SRPK2: variants seen among roughly 807,000 people sequenced by gnomAD.
The protein encoded by SRPK2 is SRSF protein kinase 2.
Under a neutral mutation model 90.8 loss-of-function variants are expected in SRPK2, and 21 were observed. The ratio of observed to expected loss-of-function variants is 0.23; its 90% CI spans 0.16 to 0.33. The LOEUF (loss-of-function observed/expected upper bound fraction) is 0.33. Ranked by LOEUF, SRPK2 falls within the 10% of genes least tolerant of loss-of-function variation. The pLI, the probability that SRPK2 is intolerant of heterozygous loss-of-function variation, is 1.00. For missense variants in SRPK2, 620 were observed against 869.0 expected (o/e 0.71, Z 3.60); for synonymous variants, 288 against 311.1 (o/e 0.93, Z 0.78).
upstream of SRPK2, among the ~76,000 whole-genome samples, chr7:105,393,362 C>T (rs1822232558): frequency 6.6e-6 from 1 of 151,988 alleles, no homozygotes; most frequent in East Asian, 1.9e-4. Context: ...AAACTCCTGA[C>T]CTCAGGTGAT....
At chr7:105,157,586 T>C (rs1484258052) in intron 7 of SRPK2, among the ~76,000 whole-genome samples, 2 of 152,212 alleles carry the variant, frequency 1.3e-5, no homozygotes. Flanking sequence ...GATAATATTT[T>C]TCTTAAAGAA....
intron 3 of SRPK2, among the ~76,000 whole-genome samples, chr7:105,171,014 AG>A (rs1433491726): frequency 1.0e-4 from 10 of 98,676 alleles, no homozygotes; most frequent in Non-Finnish European, 1.7e-4. Context: ...AGAAAGAAAG[AG>A]AGGAAGGAAG....
At chr7:105,338,486 G>T (rs749365306) in intron 2 of SRPK2, among the ~76,000 whole-genome samples, 2 of 152,100 alleles carry the variant, frequency 1.3e-5, no homozygotes, top group African/African-American at 2.4e-5. Flanking sequence ...ACCTCAGGTG[G>T]ATCCACCTCA....
intron 7 of SRPK2, among the ~76,000 whole-genome samples, chr7:105,150,398 G>C (rs1258809076): frequency 1.3e-5 from 2 of 152,172 alleles, no homozygotes; most frequent in African/African-American, 4.8e-5. Context: ...GCACAGGCAA[G>C]GTAGCACACG....
intron 2 of SRPK2, among the ~76,000 whole-genome samples, chr7:105,376,783 C>CCACCT (rs1182988536): frequency 2.0e-5 from 3 of 151,140 alleles, no homozygotes; most frequent in Non-Finnish European, 4.4e-5. Flanking sequence ...GGAGATCCAC[C>CCACCT]CACCTCGGCC....
Position 105,331,017 on chromosome 7 carries a change from G to T in SRPK2, c.71+57631C>A, listed in dbSNP as rs958885539. Among the ~76,000 whole-genome samples the T allele has an allele frequency of 2.6e-5, 4 of 151,686 alleles. No individual in the cohort carries two copies. The South Asian group carries it at 6.2e-4, about 24-fold the overall frequency. On this transcript the variant is annotated intron_variant, in intron 2 of 15. Transcript: ENST00000393651. ...TGTCTTAATTAAAAGAAAAAAAAAA[G>T]AAGGCCGGGCACGATGGCTCACGCC...
intron 2 of SRPK2, among the ~76,000 whole-genome samples, chr7:105,271,457 A>G (rs1206880348): frequency 6.6e-6 from 1 of 152,222 alleles, no homozygotes; most frequent in African/African-American, 2.4e-5. Context: ...AAGGAACGTT[A>G]ACACTATGAT....
chr7:105,124,111 T>C (rs542069916), intron 15 of SRPK2, among the ~76,000 whole-genome samples: 1 of 152,218 alleles, frequency 6.6e-6, no homozygotes, highest in South Asian at 2.1e-4. Context: ...TTCCAGCCAT[T>C]TATGGCCACA....
intron 2 of SRPK2, among the ~76,000 whole-genome samples, chr7:105,338,548 T>G (rs555877941): frequency 2.0e-5 from 3 of 152,208 alleles, no homozygotes; most frequent in Non-Finnish European, 4.4e-5. Context: ...TAAGCCACTG[T>G]GCCCCGCAGA....
upstream of SRPK2, among the ~76,000 whole-genome samples, chr7:105,393,838 A>G (rs1822246121): frequency 6.6e-6 from 1 of 152,010 alleles, no homozygotes; most frequent in African/African-American, 2.4e-5. Context: ...CTAAAGTAGG[A>G]GGATCACTTG....
At chr7:105,266,013 C>T (rs1805020647) in intron 2 of SRPK2, among the ~76,000 whole-genome samples, 1 of 152,054 alleles carries the variant, frequency 6.6e-6, no homozygotes, top group African/African-American at 2.4e-5. Context: ...GTCAGCCATT[C>T]AGAACAGAAG....
chr7:105,290,197 C>CAAAA (rs56311004), intron 2 of SRPK2, among the ~76,000 whole-genome samples: 1 of 133,830 alleles, frequency 7.5e-6, no homozygotes, highest in Admixed American at 7.4e-5. Context: ...ACAGGCTCTT[C>CAAAA]AAAAAAAAAA....
intron 3 of SRPK2, among the ~76,000 whole-genome samples, chr7:105,178,753 G>C (rs1792340675): frequency 6.6e-6 from 1 of 152,076 alleles, no homozygotes; most frequent in Non-Finnish European, 1.5e-5. Context: ...AAGCTGCAAT[G>C]AGTAGTGATG....
In SRPK2 at chr7:105,133,119, C is replaced by T; in HGVS notation, c.1544-15G>A. The T allele has an allele frequency of 6.2e-7, 1 of 1,612,750 alleles. No individual in the cohort carries two copies. Among genetic ancestry groups the T allele is most frequent in the Non-Finnish European group, 8.5e-7 (1 of 1,178,740 alleles). On this transcript the variant is annotated splice_polypyrimidine_tract_variant and intron_variant, in intron 11 of 15. Transcript: ENST00000393651. Reference sequence around the variant, plus strand: ...CCGGGTTTTTGCTGGCATGAGCAAACAGCAGGACAGTTAGTGATCGGGATA... The same window carrying T: ...CCGGGTTTTTGCTGGCATGAGCAAATAGCAGGACAGTTAGTGATCGGGATA...
chr7:105,147,814 G>C (rs68004394), intron 7 of SRPK2, among the ~76,000 whole-genome samples: 62,703 of 152,044 alleles, frequency 0.41, 14,830 homozygotes, highest in Non-Finnish European at 0.53. Context: ...TTTCAAGTTT[G>C]ACTCTTGTGC....
At chr7:105,245,198 G>C (rs780646728) in intron 2 of SRPK2, among the ~76,000 whole-genome samples, 6 of 152,100 alleles carry the variant, frequency 3.9e-5, no homozygotes, top group African/African-American at 7.3e-5. Flanking sequence ...GACAGTTAAA[G>C]CTCCTTGCGT....
rs545621673 is a variant in SRPK2, at chr7:105,354,337, G to T, written c.71+34311C>A. Among the ~76,000 whole-genome samples, 8 of 152,222 alleles carry T rather than the reference G, an allele frequency of 5.3e-5. No individual in the cohort carries two copies. In the East Asian group the frequency reaches 1.5e-3, roughly 29 times the overall value. Reference sequence around the variant, plus strand: ...ACCTGGGTGTGCGTGGCTCTTGCCCGGCAGCTCATCCAGCTCATCCACCCT... The same window carrying T: ...ACCTGGGTGTGCGTGGCTCTTGCCCTGCAGCTCATCCAGCTCATCCACCCT... On this transcript the variant is annotated intron_variant, in intron 2 of 15. Coordinates refer to ENST00000393651, the MANE Select transcript of SRPK2 (RefSeq NM_182692.3).
At chr7:105,266,123 T>C (rs1216612439) in intron 2 of SRPK2, among the ~76,000 whole-genome samples, 4 of 152,164 alleles carry the variant, frequency 2.6e-5, no homozygotes, top group African/African-American at 4.8e-5. Flanking sequence ...TTGAGATCTA[T>C]TAGGATAACG....
At chr7:105,311,007 C>T (rs1294867918) in intron 2 of SRPK2, among the ~76,000 whole-genome samples, 2 of 152,080 alleles carry the variant, frequency 1.3e-5, no homozygotes, top group Non-Finnish European at 2.9e-5. Context: ...CGGTTGTGCA[C>T]ATAGTACAAC....
Sources: gnomAD v4.1 joint callset for allele counts (sites outside exome capture counted in the v4.1 genomes callset) on GRCh38, gnomAD v4.1.1 for gene constraint, MANE v1.5 for transcripts, NCBI Gene and HGNC (gene_info 2026-07-23, HGNC 2026-07-21) for gene names.